VAV2: variants seen among roughly 807,000 people sequenced by gnomAD.
VAV2 encodes guanine nucleotide exchange factor VAV2.
VAV2 carries 67 observed loss-of-function variants against 132.5 expected under a neutral mutation model. The observed-to-expected ratio is 0.51, with a 90% CI of 0.42 to 0.62. VAV2 has a LOEUF of 0.62. Among genes scored for constraint, VAV2 ranks in the 20% least tolerant of loss-of-function variants. The pLI is 0.00. For synonymous variants in VAV2, 492 were observed against 443.5 expected, an observed-to-expected ratio of 1.11 and a Z score of -1.37; for missense variants, 938 against 1,153.6, an observed-to-expected ratio of 0.81 and a Z score of 2.71.
intron 2 of VAV2, among the ~76,000 whole-genome samples, chr9:133,937,821 G>A (rs1010859150): frequency 1.3e-5 from 2 of 152,190 alleles, no homozygotes; most frequent in Admixed American, 6.5e-5. Flanking sequence ...TCCCAGGCAG[G>A]TGCGCTGCTG....
At chr9:133,837,722 A>C (rs575513644) in intron 3 of VAV2, among the ~76,000 whole-genome samples, 2 of 151,974 alleles carry the variant, frequency 1.3e-5, no homozygotes, top group Admixed American at 6.6e-5. Context: ...TAAAAAAAAA[A>C]AAAAAACCTT....
intron 25 of VAV2, among the ~76,000 whole-genome samples, chr9:133,772,731 C>T (rs1833672871): frequency 1.3e-5 from 2 of 152,174 alleles, no homozygotes; most frequent in African/African-American, 4.8e-5. Flanking sequence ...AATCTCTCTC[C>T]CATACAGTCA....
Position 133,885,137 on chromosome 9 carries a change from G to C in VAV2, c.322-23705C>G, listed in dbSNP as rs891312856. Among the ~76,000 whole-genome samples, 4 of 152,260 alleles carry C rather than the reference G, an allele frequency of 2.6e-5. No homozygotes were observed. Among genetic ancestry groups the C allele is most frequent in the African/African-American group, 9.6e-5 (4 of 41,478 alleles). On this transcript the variant is annotated intron_variant, in intron 2 of 29. Coordinates refer to ENST00000371850, the MANE Select transcript of VAV2 (RefSeq NM_001134398.2). The surrounding 1 kb of genome is among the most constrained non-coding windows in gnomAD (Gnocchi z 5.0). Reference sequence around the variant, plus strand: ...AAGCACAGCCAATATTCATCAAAATGCATGAATCTTCTCTGAACCAGTGAC... The same window carrying C: ...AAGCACAGCCAATATTCATCAAAATCCATGAATCTTCTCTGAACCAGTGAC...
At position 133,884,376 on chromosome 9, in the gene VAV2, G is replaced by A. The variant is rs1206590978; in HGVS notation, c.322-22944C>T. The stretch of plus-strand genomic sequence containing the variant: ...AACTCAAAGGACGCTCATCAAAGCA[G>A]TGCTTCCTTAGGCGCTTGGGTGCTC... On this transcript the variant is annotated intron_variant, in intron 2 of 29. Transcript: ENST00000371850. The surrounding 1 kb of genome is among the most constrained non-coding windows in gnomAD (Gnocchi z 5.3). 6.6e-6 allele frequency among the ~76,000 whole-genome samples: 1 copy of A among 152,232 alleles called. No individual in the cohort carries two copies. The highest frequency in any genetic ancestry group is 1.9e-4 in the East Asian group (1 of 5,196).
Position 133,771,939 on chromosome 9 carries a change from C to T in VAV2, c.2223+20G>A, listed in dbSNP as rs771150259. 4.4e-5 allele frequency: 71 copies of T among 1,612,798 alleles called. No individual in the cohort carries two copies. Among genetic ancestry groups the T allele is most frequent in the Non-Finnish European group, 5.9e-5 (70 of 1,178,964 alleles). On this transcript the variant is annotated intron_variant, in intron 26 of 29. Coordinates refer to ENST00000371850, the MANE Select transcript of VAV2 (RefSeq NM_001134398.2). Reference sequence around the variant, plus strand: ...CCCTGTGGCTGGGGTGGGAGCCGGCCGGAGCCAGAAGTCACCTACCAGGAG... The same window carrying T: ...CCCTGTGGCTGGGGTGGGAGCCGGCTGGAGCCAGAAGTCACCTACCAGGAG...
chr9:133,856,454 T>C (rs1407818308), intron 3 of VAV2, among the ~76,000 whole-genome samples: 1 of 151,262 alleles, frequency 6.6e-6, no homozygotes, highest in East Asian at 1.9e-4. Flanking sequence ...TGCTGGTATG[T>C]GCCCCCCACC....
chr9:133,943,850 G>C (rs544701265), intron 1 of VAV2, among the ~76,000 whole-genome samples: 6 of 152,240 alleles, frequency 3.9e-5, no homozygotes, highest in Non-Finnish European at 5.9e-5. Context: ...CCCATTCATC[G>C]GCAGCCGCAG....
chr9:133,764,062 T>C lies in VAV2; in HGVS notation c.2637A>G (p.Ter879TrpextTer19). 6.2e-7 allele frequency: 1 copy of C among 1,614,046 alleles called. No homozygotes were observed. The highest frequency in any genetic ancestry group is 8.5e-7 in the Non-Finnish European group (1 of 1,179,990). Residue 879 changes from the stop codon to tryptophan, a stop_lost, in exon 30 of 30, where the codon TGA becomes TGG. Transcript: ENST00000371850. Reference protein sequence around the residue: ...STYVEEEGIQ* With the variant: ...STYVEEEGIQW ...GCGAGTCTTGTCCACGTTCCTGCCG[T>C]CACTGGATGCCCTCCTCTTCTACGT...
At position 133,893,212 on chromosome 9, in the gene VAV2, T is replaced by G. The variant is rs1467244564; in HGVS notation, c.322-31780A>C. Reference sequence around the variant, plus strand: ...CCACAGGCCTCTAAAGGTGGGAGTCTGACAGCCAGGTGCCTTCAGGCTGTG... The same window carrying G: ...CCACAGGCCTCTAAAGGTGGGAGTCGGACAGCCAGGTGCCTTCAGGCTGTG... On this transcript the variant is annotated intron_variant, in intron 2 of 29. Coordinates refer to ENST00000371850, the MANE Select transcript of VAV2 (RefSeq NM_001134398.2). Among the ~76,000 whole-genome samples, 3 of 152,166 alleles carry G rather than the reference T, an allele frequency of 2.0e-5. No homozygotes were observed. The East Asian group carries it at 5.8e-4, about 29-fold the overall frequency.
At chr9:133,822,818 T>TG (rs111737396) in intron 4 of VAV2, among the ~76,000 whole-genome samples, 30,549 of 152,082 alleles carry the variant, frequency 0.2, 3,816 homozygotes, top group African/African-American at 0.34. Context: ...GAACAGCCCC[T>TG]GGGCCAGGTC....
intron 29 of VAV2, among the ~76,000 whole-genome samples, chr9:133,766,565 C>G (rs1029349052): frequency 1.3e-5 from 2 of 151,284 alleles, no homozygotes; most frequent in African/African-American, 2.4e-5. Context: ...TAGGTGGGAA[C>G]TGAACAATGA....
chr9:133,835,230 G>A (rs1212792894), intron 3 of VAV2, among the ~76,000 whole-genome samples: 6 of 152,162 alleles, frequency 3.9e-5, no homozygotes, highest in Admixed American at 6.5e-5. Flanking sequence ...GGAAGGAAGC[G>A]CTTTTTCCTC....
At chr9:133,816,381 C>T (rs1009047270) in intron 4 of VAV2, among the ~76,000 whole-genome samples, 18 of 152,326 alleles carry the variant, frequency 1.2e-4, no homozygotes, top group African/African-American at 3.8e-4. Flanking sequence ...CTAAGAAATC[C>T]TTGTGCCTTG....
intron 29 of VAV2, among the ~76,000 whole-genome samples, chr9:133,766,701 A>C (rs1408223910): frequency 6.6e-6 from 1 of 150,402 alleles, no homozygotes. Flanking sequence ...GCACATGTAT[A>C]CATATGTAAC....
At chr9:133,940,452 T>C (rs538527370) in intron 1 of VAV2, among the ~76,000 whole-genome samples, 3 of 152,118 alleles carry the variant, frequency 2.0e-5, no homozygotes, top group African/African-American at 7.2e-5. Flanking sequence ...AATCAGAGCC[T>C]AAGAGCGTAA....
intron 7 of VAV2, 50 bp downstream of exon 7, chr9:133,808,990 G>A (rs751146246): frequency 1.0e-4 from 158 of 1,558,382 alleles, no homozygotes; most frequent in Non-Finnish European, 1.4e-4. Flanking sequence ...TGGCCCTGCA[G>A]TGACCACAGT....
chr9:133,896,662 A>G (rs928208761), intron 2 of VAV2, among the ~76,000 whole-genome samples: 1 of 152,170 alleles, frequency 6.6e-6, no homozygotes, highest in Non-Finnish European at 1.5e-5. Context: ...CTTCATTCAC[A>G]TAAGCAACAC....
intron 1 of VAV2, among the ~76,000 whole-genome samples, chr9:133,986,518 T>C (rs1842860791): frequency 1.3e-5 from 2 of 152,050 alleles, no homozygotes; most frequent in East Asian, 1.9e-4. Context: ...TGGAGACGGA[T>C]TGATGCTGTT....
intron 1 of VAV2, among the ~76,000 whole-genome samples, chr9:133,971,854 C>A (rs962140896): frequency 6.6e-5 from 10 of 152,176 alleles, no homozygotes; most frequent in African/African-American, 9.7e-5. Context: ...GGTCCAACAG[C>A]ATCCCCGTAG....
Sources: gnomAD v4.1 joint callset for allele counts (sites outside exome capture counted in the v4.1 genomes callset) on GRCh38, gnomAD v4.1.1 for gene constraint, Gnocchi (gnomAD v3.1) non-coding constraint, MANE v1.5 for transcripts, NCBI Gene and HGNC (gene_info 2026-07-23, HGNC 2026-07-21) for gene names.